VAT1L: variants seen among roughly 807,000 people sequenced by gnomAD.
VAT1L encodes putative NADPH-dependent quinone oxidoreductase VAT1L.
Under a neutral mutation model 44.1 loss-of-function variants are expected in VAT1L, and 34 were observed. The ratio of observed to expected loss-of-function variants is 0.77; its 90% confidence interval spans 0.59 to 1.03. The LOEUF (loss-of-function observed/expected upper bound fraction) is 1.03. Ranked by LOEUF, VAT1L falls within the 50% of genes least tolerant of loss-of-function variation. The probability of loss-of-function intolerance (pLI) is 0.00; values close to 1 mark genes in which losing one functional copy is unlikely to be tolerated. For missense variants in VAT1L, 615 were observed against 538.8 expected, an observed-to-expected ratio of 1.14 and a Z score of -1.40; for synonymous variants, 253 against 202.2, an observed-to-expected ratio of 1.25 and a Z score of -2.13.
intron 7 of VAT1L, among the ~76,000 whole-genome samples, chr16:77,900,272 C>CATAT (rs1597089723): frequency 1.3e-5 from 2 of 152,132 alleles, no homozygotes; most frequent in Non-Finnish European, 1.5e-5. Flanking sequence ...TGTGTGTCTG[C>CATAT]ATATATCTGT....
chr16:77,927,762 G>A (rs12446948), intron 7 of VAT1L, among the ~76,000 whole-genome samples: 16,627 of 151,900 alleles, frequency 0.11, 1,183 homozygotes, highest in East Asian at 0.33. Flanking sequence ...CCAGCTACTC[G>A]GGAGGATGAG....
intron 5 of VAT1L, among the ~76,000 whole-genome samples, chr16:77,878,476 C>G (rs538381498): frequency 9.2e-5 from 14 of 152,000 alleles, no homozygotes; most frequent in Non-Finnish European, 1.9e-4. Context: ...TCCCCTGCCC[C>G]GAAACCTTAT....
intron 4 of VAT1L, among the ~76,000 whole-genome samples, chr16:77,870,225 A>C (rs1027756871): frequency 2.6e-5 from 4 of 152,132 alleles, no homozygotes; most frequent in African/African-American, 9.7e-5. Flanking sequence ...AGTCCTCTAT[A>C]AGAAGCCTAT....
At chr16:77,883,670 T>TG (rs1473383587) in intron 6 of VAT1L, among the ~76,000 whole-genome samples, 1 of 152,180 alleles carries the variant, frequency 6.6e-6, no homozygotes, top group Non-Finnish European at 1.5e-5. Flanking sequence ...AAATGCCTTC[T>TG]GGGGGACAAA....
At chr16:77,910,857 G>A (rs1478682390) in intron 7 of VAT1L, among the ~76,000 whole-genome samples, 4 of 152,100 alleles carry the variant, frequency 2.6e-5, no homozygotes, top group Non-Finnish European at 5.9e-5. Flanking sequence ...TGTGCTATAT[G>A]CCAGGCATTC....
intron 7 of VAT1L, among the ~76,000 whole-genome samples, chr16:77,967,821 G>A (rs2018238960): frequency 6.6e-6 from 1 of 152,118 alleles, no homozygotes; most frequent in Non-Finnish European, 1.5e-5. Context: ...ATAAATAACT[G>A]AATGCTGGAG....
chr16:77,947,725 G>A (rs967490168), intron 7 of VAT1L, among the ~76,000 whole-genome samples: 4 of 152,178 alleles, frequency 2.6e-5, no homozygotes, highest in Admixed American at 6.5e-5. Context: ...TCTTGCCTGA[G>A]TGTATGCAGT....
At chr16:77,830,639 T>C (rs2016568986) in intron 3 of VAT1L, among the ~76,000 whole-genome samples, 1 of 152,230 alleles carries the variant, frequency 6.6e-6, no homozygotes, top group Admixed American at 6.5e-5. Context: ...TCCACCATGA[T>C]TAGGAGGCCT....
At chr16:77,826,712 G>A (rs1349350899) in intron 3 of VAT1L, among the ~76,000 whole-genome samples, 4 of 152,146 alleles carry the variant, frequency 2.6e-5, no homozygotes, top group South Asian at 2.1e-4. Context: ...TGGGTGGAAC[G>A]TTAGTGTTTC....
intron 1 of VAT1L, among the ~76,000 whole-genome samples, chr16:77,816,048 A>G (rs2016348917): frequency 6.9e-6 from 1 of 145,204 alleles, no homozygotes; most frequent in Non-Finnish European, 1.5e-5. Flanking sequence ...GTGTTTCCCC[A>G]TGTGATTAGC....
intron 2 of VAT1L, among the ~76,000 whole-genome samples, chr16:77,818,707 C>G (rs2016397751): frequency 6.6e-6 from 1 of 152,188 alleles, no homozygotes; most frequent in Non-Finnish European, 1.5e-5. Context: ...TTTGCCCTGG[C>G]TTGTTTACTA....
intron 2 of VAT1L, among the ~76,000 whole-genome samples, chr16:77,821,305 T>C (rs1174592108): frequency 6.6e-5 from 10 of 151,706 alleles, no homozygotes; most frequent in African/African-American, 2.4e-4. Flanking sequence ...CTTGTCTTTT[T>C]TTTTTTTTTT....
intron 7 of VAT1L, among the ~76,000 whole-genome samples, chr16:77,917,403 T>C (rs2017563084): frequency 6.6e-6 from 1 of 152,300 alleles, no homozygotes; most frequent in East Asian, 1.9e-4. Context: ...TTACCTTTAA[T>C]ATTGAAAAAT....
intron 3 of VAT1L, among the ~76,000 whole-genome samples, chr16:77,855,851 C>G (rs905005929): frequency 1.3e-5 from 2 of 152,116 alleles, no homozygotes; most frequent in Non-Finnish European, 2.9e-5. Flanking sequence ...AACCCCATCT[C>G]TACTAAAAAT....
At chr16:77,911,708 G>A (rs1036998186) in intron 7 of VAT1L, among the ~76,000 whole-genome samples, 12 of 152,242 alleles carry the variant, frequency 7.9e-5, no homozygotes, top group African/African-American at 2.9e-4. Context: ...TGCAGACTCT[G>A]GGTCCACACG....
chr16:77,961,718 C>A (rs181224654), intron 7 of VAT1L, among the ~76,000 whole-genome samples: 2 of 152,160 alleles, frequency 1.3e-5, no homozygotes, highest in African/African-American at 4.8e-5. Flanking sequence ...AATGCAGCCT[C>A]TTCTCCTTGG....
chr16:77,875,136 T>C (rs972451839), intron 4 of VAT1L, among the ~76,000 whole-genome samples: 1 of 152,214 alleles, frequency 6.6e-6, no homozygotes, highest in African/African-American at 2.4e-5. Context: ...ATAAGAGCTC[T>C]ATTAGGCAGG....
chr16:77,934,209 G>T (rs1316259488), intron 7 of VAT1L, among the ~76,000 whole-genome samples: 1 of 152,010 alleles, frequency 6.6e-6, no homozygotes, highest in Admixed American at 6.6e-5. Context: ...TGGCAGATTG[G>T]ACGTAAAGAT....
chr16:77,977,763 C>T lies in VAT1L; in HGVS notation c.*68C>T. On this transcript the variant is annotated 3_prime_UTR_variant, in exon 9 of 9. Coordinates refer to ENST00000302536, the MANE Select transcript of VAT1L (RefSeq NM_020927.3). ...TGAGGACCCGGCTGAGAAAACTCTT[C>T]TGTGCCCCAGTGAACAAATGCTGTA... 6.8e-7 allele frequency: 1 copy of T among 1,460,476 alleles called. No individual in the cohort carries two copies. Among genetic ancestry groups the T allele is most frequent in the Non-Finnish European group, 9.4e-7 (1 of 1,058,872 alleles). 90.5% of individuals were successfully genotyped at this position (1,460,476 alleles called of 1,614,324 possible). A position where few individuals can be genotyped will look rare whatever the true frequency, so the allele number is the denominator to read the frequency against.
Sources: gnomAD v4.1 joint callset for allele counts (sites outside exome capture counted in the v4.1 genomes callset) on GRCh38, gnomAD v4.1.1 for gene constraint, MANE v1.5 for transcripts, NCBI Gene and HGNC (gene_info 2026-07-23, HGNC 2026-07-21) for gene names.